CFTR: variants seen among roughly 807,000 people sequenced by gnomAD.
CFTR encodes cystic fibrosis transmembrane conductance regulator.
CFTR carries 181 observed loss-of-function variants against 171.6 expected under a neutral mutation model. The ratio of observed to expected loss-of-function variants is 1.05; its 90% CI spans 0.93 to 1.19. The LOEUF is 1.19. Among genes scored for constraint, CFTR ranks in the 50% most tolerant of loss-of-function variants. The pLI, the probability that CFTR is intolerant of heterozygous loss-of-function variation, is 0.00. For synonymous variants in CFTR, 583 were observed against 608.0 expected (o/e 0.96, Z 0.60); for missense variants, 1,968 against 1,734.7 (o/e 1.13, Z -2.39).
At chr7:117,616,424 C>G (rs1792492026) in intron 21 of CFTR, 1 of 152,124 alleles carries the variant, frequency 6.6e-6, no homozygotes. Context: ...ACAACTTTGA[C>G]TTTACATTTA....
At position 117,573,061 on chromosome 7, in the gene CFTR, T is replaced by TCTCTTG. The variant is rs1562902534; in HGVS notation, c.1584+13410_1584+13411insTGCTCT. ...TTCTCTCTCTCTCTCTCTCTCTTGC[T>TCTCTTG]CTCTCTCTCTCTTTCTGTCAATATA... On this transcript the variant is annotated intron_variant, in intron 11 of 26. Coordinates refer to ENST00000003084, the MANE Select transcript of CFTR (RefSeq NM_000492.4). 5.2e-3 allele frequency among the ~76,000 whole-genome samples: 794 copies of TCTCTTG among 151,896 alleles called. 5 individuals are homozygous for TCTCTTG. Among genetic ancestry groups the TCTCTTG allele is most frequent in the African/African-American group, 0.018 (741 of 41,454 alleles).
At chr7:117,566,200 G>A (rs1362653304) in intron 11 of CFTR, among the ~76,000 whole-genome samples, 3 of 151,730 alleles carry the variant, frequency 2.0e-5, no homozygotes, top group African/African-American at 2.4e-5. Context: ...TTGGGAGGCC[G>A]AGGTGGGTGG....
chr7:117,553,986 G>A (rs985398651), intron 10 of CFTR, among the ~76,000 whole-genome samples: 7 of 152,150 alleles, frequency 4.6e-5, no homozygotes, highest in Non-Finnish European at 7.3e-5. Flanking sequence ...CTGGCATAGA[G>A]TAAGACAGGG....
chr7:117,572,842 T>C (rs1434032506), intron 11 of CFTR, among the ~76,000 whole-genome samples: 1 of 152,184 alleles, frequency 6.6e-6, no homozygotes, highest in Non-Finnish European at 1.5e-5. Context: ...CATGTTTCCT[T>C]TACCCAACCA....
At chr7:117,517,176 T>C (rs991142041) in intron 3 of CFTR, among the ~76,000 whole-genome samples, 3 of 152,084 alleles carry the variant, frequency 2.0e-5, no homozygotes, top group African/African-American at 7.2e-5. Flanking sequence ...TCATCTACAT[T>C]AGGTATTTCT....
At chr7:117,500,400 C>T (rs1409663002) in intron 1 of CFTR, among the ~76,000 whole-genome samples, 2 of 151,458 alleles carry the variant, frequency 1.3e-5, no homozygotes, top group African/African-American at 4.9e-5. Flanking sequence ...AATTCTCCCA[C>T]CTCAGCCTCC....
At chr7:117,651,152 A>G (rs906002121) in intron 23 of CFTR, among the ~76,000 whole-genome samples, 5 of 152,196 alleles carry the variant, frequency 3.3e-5, no homozygotes, top group Admixed American at 2.6e-4. Flanking sequence ...AATGGGAGCT[A>G]TGTGTCCCAC....
chr7:117,524,793 G>T (rs899270524), intron 3 of CFTR, among the ~76,000 whole-genome samples: 5 of 152,164 alleles, frequency 3.3e-5, no homozygotes, highest in African/African-American at 9.7e-5. Flanking sequence ...TATTCACAGG[G>T]TGGCATGTTA....
At chr7:117,631,769 CTG>C (rs1486882149) in intron 22 of CFTR, among the ~76,000 whole-genome samples, 1 of 152,182 alleles carries the variant, frequency 6.6e-6, no homozygotes, top group Non-Finnish European at 1.5e-5. Flanking sequence ...AGTAAGTAAA[CTG>C]TTACCCTGAG....
At chr7:117,593,280 A>ATT (rs1478269060) in intron 14 of CFTR, among the ~76,000 whole-genome samples, 1 of 152,200 alleles carries the variant, frequency 6.6e-6, no homozygotes, top group Non-Finnish European at 1.5e-5. Flanking sequence ...GGTTTTAAGA[A>ATT]TAAAAGCATT....
At chr7:117,634,205 T>A (rs1792792563) in intron 22 of CFTR, among the ~76,000 whole-genome samples, 1 of 152,062 alleles carries the variant, frequency 6.6e-6, no homozygotes, top group African/African-American at 2.4e-5. Flanking sequence ...CTCATGCGAG[T>A]TTTAGCAGAT....
intron 18 of CFTR, among the ~76,000 whole-genome samples, chr7:117,607,738 G>C (rs575245321): frequency 1.2e-4 from 18 of 152,280 alleles, no homozygotes; most frequent in Non-Finnish European, 2.2e-4. Context: ...ACATTGGCAG[G>C]TGCAGAAAAA....
chr7:117,604,612 CAAGAT>C (rs1341115160), intron 17 of CFTR, among the ~76,000 whole-genome samples: 2 of 152,060 alleles, frequency 1.3e-5, no homozygotes, highest in Admixed American at 6.6e-5. Flanking sequence ...CTAAAAAACT[CAAGAT>C]AAGAAAAACC....
chr7:117,541,993 T>A, intron 8 of CFTR, 23 bp from the exon 9 acceptor site: 2 of 1,169,846 alleles, frequency 1.7e-6, no homozygotes, highest in Non-Finnish European at 2.6e-6. Context: ...CTATAATATG[T>A]TTTTGCTCTC....
intron 10 of CFTR, among the ~76,000 whole-genome samples, chr7:117,549,530 C>T (rs760952114): frequency 4.0e-5 from 6 of 151,548 alleles, no homozygotes; most frequent in Non-Finnish European, 5.9e-5. Flanking sequence ...TAAAAACTTG[C>T]TCTCTTTTAA....
Position 117,642,452 on chromosome 7 carries a change from A to C in CFTR, c.3732A>C (p.Gly1244=). ...ISPGQRVGLL[G]RTGSGKSTLL... Reference sequence around the variant, plus strand: ...TTACCTTATAGGTGGGCCTCTTGGGAAGAACTGGATCAGGGAAGAGTACTT... The same window carrying C: ...TTACCTTATAGGTGGGCCTCTTGGGCAGAACTGGATCAGGGAAGAGTACTT... The change falls in exon 23 of 27, where the codon GGA becomes GGC. Residue 1244 remains glycine (G), a synonymous_variant. Transcript: ENST00000003084. The C allele has an allele frequency of 6.2e-7, 1 of 1,613,630 alleles. No individual in the cohort carries two copies.
chr7:117,627,899 C>A, intron 22 of CFTR, 129 bp downstream of exon 22: 1 of 968,728 alleles, frequency 1.0e-6, no homozygotes, highest in Non-Finnish European at 1.6e-6. Context: ...ATTAAACACA[C>A]ATGTTTTATT....
In CFTR at chr7:117,540,258, GC is replaced by G. The variant is rs121908774; in HGVS notation, c.1029del (p.Cys343Ter). ...LRKIFTTISF[C>X]IVLRMAVTRQ... ...AAAATATTCACCACCATCTCATTCTGCATTGTTCTGCGCATGGCGGTCACTC... is the reference window on the plus strand; with the variant it reads ...AAAATATTCACCACCATCTCATTCTGATTGTTCTGCGCATGGCGGTCACTC... On this transcript the variant is annotated frameshift_variant, in exon 8 of 27. Coordinates refer to ENST00000003084, the MANE Select transcript of CFTR (RefSeq NM_000492.4). LOFTEE classifies it high-confidence loss of function. 25 of 1,614,032 alleles carry G rather than the reference GC, an allele frequency of 1.5e-5. No homozygotes were observed. In the South Asian group the frequency reaches 2.6e-4, roughly 17 times the overall value.
rs1584849002 is a variant in CFTR at position 117,664,863 on chromosome 7, G to A, written c.4136+3G>A. The stretch of plus-strand genomic sequence containing the variant: ...CCCAGTGCTCATTTGGATCCAGTGT[G>A]AGTTTCAGATGTTCTGTTACTTAAT... On this transcript the variant is annotated splice_donor_region_variant and intron_variant, in intron 25 of 26. Transcript: ENST00000003084. The A allele has an allele frequency of 1.2e-6, 2 of 1,613,814 alleles. No individual in the cohort carries two copies. Among genetic ancestry groups the A allele is most frequent in the Non-Finnish European group, 1.7e-6 (2 of 1,179,750 alleles).
Sources: gnomAD v4.1 joint callset for allele counts (sites outside exome capture counted in the v4.1 genomes callset) on GRCh38, gnomAD v4.1.1 for gene constraint, MANE v1.5 for transcripts, NCBI Gene and HGNC (gene_info 2026-07-23, HGNC 2026-07-21) for gene names.